ZMYM2: variants seen among roughly 807,000 people sequenced by gnomAD.
ZMYM2 encodes the protein zinc finger MYM-type containing 2.
A neutral mutation model predicts 162.8 loss-of-function variants in ZMYM2; 56 were observed. The observed-to-expected ratio is 0.34, with a 90% CI of 0.28 to 0.43. The LOEUF (loss-of-function observed/expected upper bound fraction) is 0.43. ZMYM2 is among the 20% of genes least tolerant of loss of function. The pLI is 1.00. For synonymous variants in ZMYM2, 510 were observed against 541.6 expected, an observed-to-expected ratio of 0.94 and a Z score of 0.81; for missense variants, 1,275 against 1,621.8, an observed-to-expected ratio of 0.79 and a Z score of 3.67.
chr13:20,007,552 AATT>A (rs1431025955), intron 6 of ZMYM2, among the ~76,000 whole-genome samples: 3 of 151,964 alleles, frequency 2.0e-5, no homozygotes, highest in Non-Finnish European at 4.4e-5. Flanking sequence ...TTTTATCAGA[AATT>A]ATTATTGCTT....
At chr13:19,870,567 C>T in the ZMYM2 span, among the ~76,000 whole-genome samples, 172 of 138,436 alleles carry the variant, frequency 1.2e-3, no homozygotes, top group African/African-American at 4.6e-3. Flanking sequence ...TCCTTCCTTC[C>T]TTCCTTCTTT....
At chr13:19,963,716 T>C (rs912075870) in intron 2 of ZMYM2, among the ~76,000 whole-genome samples, 1 of 152,158 alleles carries the variant, frequency 6.6e-6, no homozygotes, top group Non-Finnish European at 1.5e-5. Flanking sequence ...TTTGAACATA[T>C]CTGTTGTTTT....
At chr13:20,059,049 T>C (rs538339612) in intron 15 of ZMYM2, 2 of 408,376 alleles carry the variant, frequency 4.9e-6, no homozygotes, top group Non-Finnish European at 9.1e-6. Context: ...TTCTGTTTCC[T>C]TCCTGTCAGA....
intron 2 of ZMYM2, among the ~76,000 whole-genome samples, chr13:19,979,428 C>CTTTTTTTTTTTTTTTTTTTTTTGTT (rs71763618): frequency 9.0e-6 from 1 of 110,850 alleles, no homozygotes; most frequent in African/African-American, 3.3e-5. Context: ...TTTTTCTGCA[C>CTTTTTTTTTTTTTTTTTTTTTTGTT]TTTTTTTTTT....
In ZMYM2 at chr13:19,959,695, C is replaced by T. The variant is rs555444204; in HGVS notation, c.-79-263C>T. ...CGTTTTCCCTTCCCCCCTCCCTTCCCGGGAGCAGGCTCGGTGTCCTTAGGC... is the reference window on the plus strand; with the variant it reads ...CGTTTTCCCTTCCCCCCTCCCTTCCTGGGAGCAGGCTCGGTGTCCTTAGGC... On this transcript the variant is annotated intron_variant, in intron 1 of 24. Transcript: ENST00000610343. Among the ~76,000 whole-genome samples the T allele has an allele frequency of 7.9e-5, 12 of 152,264 alleles. No homozygotes were observed. The South Asian group carries it at 1.0e-3, about 13-fold the overall frequency.
chr13:19,975,033 C>T (rs1447409887), intron 2 of ZMYM2, among the ~76,000 whole-genome samples: 2 of 151,594 alleles, frequency 1.3e-5, no homozygotes, highest in East Asian at 1.9e-4. Flanking sequence ...TATTTTTTGT[C>T]ATTTATTCTA....
intron 16 of ZMYM2, 75 bp downstream of exon 16, chr13:20,059,637 C>A: frequency 1.3e-6 from 1 of 752,446 alleles, no homozygotes; most frequent in Non-Finnish European, 2.4e-6. Context: ...ACAGTTGACC[C>A]TTGAACAACA....
the ZMYM2 span, among the ~76,000 whole-genome samples, chr13:19,903,483 CAAAAAA>C: frequency 1.2e-5 from 1 of 83,722 alleles, no homozygotes; most frequent in Non-Finnish European, 2.3e-5. Flanking sequence ...ACTAAAAATA[CAAAAAA>C]AAAAAAAAAA....
At chr13:20,084,187 A>AT (rs1958093005) in intron 24 of ZMYM2, among the ~76,000 whole-genome samples, 1 of 151,960 alleles carries the variant, frequency 6.6e-6, no homozygotes, top group Admixed American at 6.6e-5. Context: ...TAATTTTTGT[A>AT]TTTTTTGTAG....
At chr13:19,899,259 C>T in the ZMYM2 span, among the ~76,000 whole-genome samples, 1 of 151,742 alleles carries the variant, frequency 6.6e-6, no homozygotes, top group East Asian at 1.9e-4. Context: ...TGCAAGACCC[C>T]ACTTCTGAAA....
intron 19 of ZMYM2, 144 bp from the exon 20 acceptor site, chr13:20,066,705 TAC>T (rs1469387070): frequency 4.5e-6 from 3 of 666,780 alleles, no homozygotes; most frequent in Admixed American, 3.8e-5. Context: ...CAGAAAAACA[TAC>T]GTGTCCAAGT....
chr13:20,070,287 TCTGA>T (rs909890551), intron 21 of ZMYM2: 10 of 210,340 alleles, frequency 4.8e-5, no homozygotes, highest in Admixed American at 4.4e-4. Context: ...TCGTTATCAA[TCTGA>T]CTTTCTGGCT....
At chr13:19,963,452 C>G (rs377279087) in intron 2 of ZMYM2, among the ~76,000 whole-genome samples, 2 of 152,258 alleles carry the variant, frequency 1.3e-5, no homozygotes, top group South Asian at 2.1e-4. Context: ...TTGAGTGCAG[C>G]AATCTGAGTA....
chr13:19,897,347 G>A, the ZMYM2 span, among the ~76,000 whole-genome samples: 1 of 152,030 alleles, frequency 6.6e-6, no homozygotes, highest in African/African-American at 2.4e-5. Flanking sequence ...AGATAGATTG[G>A]CAGAATTTAC....
intron 2 of ZMYM2, among the ~76,000 whole-genome samples, chr13:19,968,227 C>T (rs1191430753): frequency 2.6e-5 from 4 of 152,128 alleles, no homozygotes; most frequent in African/African-American, 9.7e-5. Flanking sequence ...TGACCACCTC[C>T]TTCACTTCCC....
chr13:19,886,559 C>T, the ZMYM2 span, among the ~76,000 whole-genome samples: 1 of 151,894 alleles, frequency 6.6e-6, no homozygotes, highest in Non-Finnish European at 1.5e-5. Flanking sequence ...TGTCATACAC[C>T]CATGAAGCCA....
intron 12 of ZMYM2, among the ~76,000 whole-genome samples, chr13:20,044,943 G>A (rs538590792): frequency 2.4e-4 from 37 of 151,456 alleles, no homozygotes; most frequent in Non-Finnish European, 5.3e-4. Flanking sequence ...TCAGCTACTC[G>A]GGAGGCTGAG....
chr13:19,914,341 C>T, the ZMYM2 span, among the ~76,000 whole-genome samples: 1 of 152,218 alleles, frequency 6.6e-6, no homozygotes, highest in Non-Finnish European at 1.5e-5. Flanking sequence ...CAAGCTACTG[C>T]TGTTGTTGTC....
the ZMYM2 span, among the ~76,000 whole-genome samples, chr13:19,946,012 A>G: frequency 6.6e-6 from 1 of 151,212 alleles, no homozygotes; most frequent in Admixed American, 6.6e-5. Flanking sequence ...ATTAGTTCCC[A>G]AATTTTAGAA....
Sources: allele counts gnomAD v4.1 joint callset (sites outside exome capture counted in the v4.1 genomes callset), GRCh38; gene constraint gnomAD v4.1.1; transcripts MANE v1.5; gene names NCBI Gene and HGNC (gene_info 2026-07-23, HGNC 2026-07-21).